AVIL: variants seen among roughly 807,000 people sequenced by gnomAD.
AVIL encodes advillin.
A neutral mutation model predicts 109.9 loss-of-function variants in AVIL; 78 were observed. That is an observed-to-expected ratio of 0.71 (90% CI 0.59 to 0.86). The LOEUF is 0.86. Among genes scored for constraint, AVIL ranks in the 40% least tolerant of loss-of-function variants. The pLI is 0.00. For missense variants in AVIL, 892 were observed against 1,016.5 expected (o/e 0.88, Z 1.67); for synonymous variants, 367 against 379.1 (o/e 0.97, Z 0.37).
intron 11 of AVIL, chr12:57,807,979 A>G (rs1955977199): frequency 1.3e-6 from 1 of 790,024 alleles, no homozygotes; most frequent in East Asian, 2.6e-5. Flanking sequence ...ATTTGAATAT[A>G]TCTTCCAGGT....
chr12:57,803,556 C>T lies in AVIL; in HGVS notation c.1785G>A (p.Leu595=). 1 of 1,614,144 alleles carries T rather than the reference C, an allele frequency of 6.2e-7. No homozygotes were observed. Among genetic ancestry groups the T allele is most frequent in the Non-Finnish European group, 8.5e-7 (1 of 1,180,030 alleles). The change falls in exon 15 of 20, where the codon CTG becomes CTA. Residue 595 remains leucine (L), a synonymous_variant. Coordinates refer to ENST00000549994, the MANE Select transcript of AVIL (RefSeq NM_006576.4). ...GQEPAEFWDL[L]GGKTPYANDK... Reference sequence around the variant, plus strand: ...CATTGGCATAGGGAGTTTTCCCTCCCAGTAGGTCCCAGAACTCGGCTGGCT... The same window carrying T: ...CATTGGCATAGGGAGTTTTCCCTCCTAGTAGGTCCCAGAACTCGGCTGGCT...
chr12:57,808,350 T>C, intron 10 of AVIL, 45 bp downstream of exon 10: 1 of 1,612,238 alleles, frequency 6.2e-7, no homozygotes, highest in Non-Finnish European at 8.5e-7. Context: ...GTGCCTGCTT[T>C]TCTAGAGTCT....
intron 19 of AVIL, among the ~76,000 whole-genome samples, chr12:57,798,357 G>A (rs1160085213): frequency 1.3e-5 from 2 of 152,166 alleles, no homozygotes; most frequent in South Asian, 2.1e-4. Flanking sequence ...TTTTCTGCCC[G>A]TAACTACCAT....
intron 17 of AVIL, 151 bp from the exon 18 acceptor site, chr12:57,801,363 G>T: frequency 1.7e-6 from 1 of 594,514 alleles, no homozygotes; most frequent in African/African-American, 1.9e-5. Context: ...CCCCTTTTGG[G>T]TCCATGCAGG....
intron 7 of AVIL, 132 bp downstream of exon 7, chr12:57,810,217 A>T: frequency 1.0e-6 from 1 of 968,628 alleles, no homozygotes. Context: ...TAGGAGCTGC[A>T]TTTGAAAAGG....
At position 57,802,094 on chromosome 12, in the gene AVIL, C is replaced by T. The variant is rs1955860059; in HGVS notation, c.2151+66G>A. ...GAGCCGTGAATCAGTACTCCACCTT[C>T]CTGCCCACTGAGCTGTTCTGAGCTA... On this transcript the variant is annotated intron_variant, in intron 17 of 19. Coordinates refer to ENST00000549994, the MANE Select transcript of AVIL (RefSeq NM_006576.4). The T allele has an allele frequency of 1.9e-6, 3 of 1,546,628 alleles. No homozygotes were observed. The East Asian group carries it at 6.8e-5, about 35-fold the overall frequency.
rs1180771705 is a variant in AVIL at position 57,808,547 on chromosome 12, C to A, written c.941G>T (p.Gly314Val). The A allele has an allele frequency of 6.2e-7, 1 of 1,613,644 alleles. No individual in the cohort carries two copies. Among genetic ancestry groups the A allele is most frequent in the Admixed American group, 1.7e-5 (1 of 59,992 alleles). ...EKQAAMSKAL[G>V]FIKMKSYPSS... is the part of the protein sequence containing the mutation. ...GGGGTAGCTCTTCATCTTGATGAAG[C>A]CCTGCAGAGCCACCCATTCCCAAAG... is the stretch of plus-strand genomic sequence containing the variant. Residue 314 changes from glycine (G) to valine (V), a missense_variant and splice_region_variant, in exon 10 of 20, where the codon GGC becomes GTC. Gly to Val is a moderately radical substitution (Grantham distance 109). Transcript: ENST00000549994.
At chr12:57,801,004 A>C (rs2140437394) in intron 18 of AVIL, 140 bp downstream of exon 18, 2 of 618,110 alleles carry the variant, frequency 3.2e-6, no homozygotes, top group East Asian at 5.8e-5. Context: ...TATTGATTAC[A>C]AAAAGTCTTT....
At chr12:57,803,742 A>G in intron 14 of AVIL, 73 bp from the exon 15 acceptor site, 3 of 1,561,932 alleles carry the variant, frequency 1.9e-6, no homozygotes, top group Non-Finnish European at 1.7e-6. Flanking sequence ...AAAGCATCTG[A>G]GACTAATAAC....
rs1044015101 is a variant in AVIL, at chr12:57,812,522, C to T, written c.338+705G>A. Among the ~76,000 whole-genome samples, 8 of 151,800 alleles carry T rather than the reference C, an allele frequency of 5.3e-5. No individual in the cohort carries two copies. In the East Asian group the frequency reaches 9.7e-4, roughly 18 times the overall value. Reference sequence around the variant, plus strand: ...GATTACAGGTGTGCACCAGCATGCCCGGCTAATTTTTGTATTATTAGTAGA... The same window carrying T: ...GATTACAGGTGTGCACCAGCATGCCTGGCTAATTTTTGTATTATTAGTAGA... On this transcript the variant is annotated intron_variant, in intron 4 of 19. Transcript: ENST00000549994.
At position 57,811,073 on chromosome 12, in the gene AVIL, G is replaced by T. The variant is rs766666618; in HGVS notation, c.393C>A (p.Tyr131Ter). ...TCACATGTAGCAGCCGCTTCACGTC[G>T]TAGGTATTGGTCTCCACGTGCTTCA... Reference protein sequence around the residue: ...SGMKHVETNTYDVKRLLHVKG... With the variant: ...SGMKHVETNT The change falls in exon 5 of 20, where the codon TAC becomes TAA. Residue 131 changes from tyrosine to a stop codon, truncating the protein, a stop_gained. Transcript: ENST00000549994. LOFTEE classifies it high-confidence loss of function. 1 of 1,614,038 alleles carries T rather than the reference G, an allele frequency of 6.2e-7. No homozygotes were observed. The highest frequency in any genetic ancestry group is 8.5e-7 in the Non-Finnish European group (1 of 1,180,038).
Position 57,803,621 on chromosome 12 carries a change from G to A in AVIL, c.1720C>T (p.Leu574Phe). 6.2e-7 allele frequency: 1 copy of A among 1,614,174 alleles called. No individual in the cohort carries two copies. The highest frequency in any genetic ancestry group is 8.5e-7 in the Non-Finnish European group (1 of 1,180,028). The change falls in exon 15 of 20, where the codon CTC (leucine) becomes TTC (phenylalanine). Residue 574 changes from leucine (L) to phenylalanine (F), a missense_variant. Coordinates refer to ENST00000549994, the MANE Select transcript of AVIL (RefSeq NM_006576.4). The stretch of plus-strand genomic sequence containing the variant: ...ACAGTGTTCTCGCTGCCATCACAGA[G>A]AAGGCTGGCCAGCTCCTTAGCCATT... ...RAMAKELASL[L>F]CDGSENTVAE...
chr12:57,816,627 C>T (rs1956103553), intron 1 of AVIL, among the ~76,000 whole-genome samples: 1 of 151,398 alleles, frequency 6.6e-6, no homozygotes, highest in African/African-American at 2.4e-5. Context: ...CACTCTCATT[C>T]CAATTCTTCC....
rs1443064520 is a variant in AVIL, at chr12:57,798,005, A to G, written c.2347-10T>C. On this transcript the variant is annotated splice_polypyrimidine_tract_variant and intron_variant, in intron 19 of 19. Coordinates refer to ENST00000549994, the MANE Select transcript of AVIL (RefSeq NM_006576.4). ...GTTCAGAGAGGTAATTCTAAGAGAG[A>G]AAACAAAGTTTCTAGTTAGAAGGAA... 5.7e-6 allele frequency: 9 copies of G among 1,583,322 alleles called. No homozygotes were observed. The highest frequency in any genetic ancestry group is 7.7e-6 in the Non-Finnish European group (9 of 1,166,224).
chr12:57,814,085 C>T, intron 3 of AVIL, 67 bp downstream of exon 3: 4 of 1,545,092 alleles, frequency 2.6e-6, no homozygotes, highest in South Asian at 1.2e-5. Context: ...ACCAGCACAT[C>T]TCCCAGTACA....
chr12:57,815,165 G>A (rs1450712076), intron 2 of AVIL, among the ~76,000 whole-genome samples: 1 of 152,132 alleles, frequency 6.6e-6, no homozygotes, highest in Non-Finnish European at 1.5e-5. Context: ...TGTTAGCCAG[G>A]ATGGTCTCAA....
At chr12:57,807,142 G>T (rs978612611) in intron 13 of AVIL, among the ~76,000 whole-genome samples, 189 bp downstream of exon 13, 4 of 152,140 alleles carry the variant, frequency 2.6e-5, no homozygotes, top group Non-Finnish European at 5.9e-5. Flanking sequence ...TTAGATAGTG[G>T]TTCAGACTTG....
rs552440408 is a variant in AVIL, at chr12:57,818,406, G to A, written c.-20+223C>T. ...CTTTCTCTAGGGATAGGTGAAAGGGGTCTGTCTTTCCCAGCTTTTGAAAAT... is the reference window on the plus strand; with the variant it reads ...CTTTCTCTAGGGATAGGTGAAAGGGATCTGTCTTTCCCAGCTTTTGAAAAT... On this transcript the variant is annotated intron_variant, in intron 1 of 19. Coordinates refer to ENST00000549994, the MANE Select transcript of AVIL (RefSeq NM_006576.4). Among the ~76,000 whole-genome samples the A allele has an allele frequency of 8.6e-5, 13 of 152,026 alleles. No homozygotes were observed. In the South Asian group the frequency reaches 2.7e-3, roughly 32 times the overall value.
rs1372022726 is a variant in AVIL, at chr12:57,813,285, G to A, written c.280C>T (p.Arg94Ter). 1.9e-6 allele frequency: 3 copies of A among 1,614,018 alleles called. No homozygotes were observed. The highest frequency in any genetic ancestry group is 1.3e-5 in the African/African-American group (1 of 74,996). The change falls in exon 4 of 20, where the codon CGA (arginine) becomes TGA (stop). Residue 94 changes from arginine to a stop codon, truncating the protein, a stop_gained. Coordinates refer to ENST00000549994, the MANE Select transcript of AVIL (RefSeq NM_006576.4). LOFTEE classifies it high-confidence loss of function. ...DYLGGSPVQH[R>*]EVQYHESDTF... The stretch of plus-strand genomic sequence containing the variant: ...TCTGACTCATGGTACTGGACCTCTC[G>A]GTGCTGCACAGGGCTGCCTCCCAGG...
Sources: allele counts gnomAD v4.1 joint callset (sites outside exome capture counted in the v4.1 genomes callset), GRCh38; gene constraint gnomAD v4.1.1; transcripts MANE v1.5; gene names NCBI Gene and HGNC (gene_info 2026-07-23, HGNC 2026-07-21).